Variants in GRM8 observed in about 807,000 individuals in gnomAD.
GRM8 encodes glutamate metabotropic receptor 8, also known as metabotropic glutamate receptor 8.
A neutral mutation model predicts 87.2 loss-of-function variants in GRM8; 47 were observed. The ratio of observed to expected loss-of-function variants is 0.54; its 90% confidence interval spans 0.43 to 0.69. The LOEUF (loss-of-function observed/expected upper bound fraction) is 0.69. Ranked by LOEUF, GRM8 falls within the 30% of genes least tolerant of loss-of-function variation. The pLI, the probability that GRM8 is intolerant of heterozygous loss-of-function variation, is 0.00. For missense variants in GRM8, 1,019 were observed against 1,139.2 expected (o/e 0.89, Z 1.52); for synonymous variants, 396 against 404.5 (o/e 0.98, Z 0.25).
intron 9 of GRM8, among the ~76,000 whole-genome samples, chr7:126,519,287 T>G (rs986168627): frequency 4.6e-5 from 7 of 152,008 alleles, no homozygotes; most frequent in Non-Finnish European, 8.8e-5. Context: ...AGCACATATG[T>G]GTTTAGAACT....
At chr7:126,813,138 G>A (rs1399346716) in intron 6 of GRM8, among the ~76,000 whole-genome samples, 1 of 151,864 alleles carries the variant, frequency 6.6e-6, no homozygotes, top group Non-Finnish European at 1.5e-5. Context: ...TATAACCTAC[G>A]CATGTACCCC....
At chr7:126,969,511 T>C (rs1217640000) in intron 3 of GRM8, among the ~76,000 whole-genome samples, 1 of 152,184 alleles carries the variant, frequency 6.6e-6, no homozygotes, top group Admixed American at 6.5e-5. Context: ...TAACTCTTCA[T>C]CCATTCAAGT....
At chr7:126,953,380 C>T (rs188390444) in intron 3 of GRM8, among the ~76,000 whole-genome samples, 118 of 152,242 alleles carry the variant, frequency 7.8e-4, no homozygotes, top group Admixed American at 2.0e-3. Flanking sequence ...AGAAAGACAT[C>T]TTTCCCTCTT....
chr7:127,077,218 G>A (rs568622309), intron 3 of GRM8, among the ~76,000 whole-genome samples: 18 of 152,284 alleles, frequency 1.2e-4, no homozygotes, highest in African/African-American at 3.8e-4. Context: ...AGAGAGCCCA[G>A]GTATTCACTC....
At chr7:126,708,829 G>A (rs1472496228) in intron 7 of GRM8, among the ~76,000 whole-genome samples, 3 of 152,064 alleles carry the variant, frequency 2.0e-5, no homozygotes, top group Non-Finnish European at 4.4e-5. Flanking sequence ...AAGGATGTGG[G>A]GAGCAGTTGG....
intron 7 of GRM8, among the ~76,000 whole-genome samples, chr7:126,735,942 C>T (rs999955396): frequency 7.2e-5 from 11 of 152,026 alleles, no homozygotes; most frequent in Non-Finnish European, 1.5e-4. Context: ...TGAAGCCTTG[C>T]TAATGCTAAC....
intron 6 of GRM8, among the ~76,000 whole-genome samples, chr7:126,806,958 G>A (rs912453489): frequency 1.3e-5 from 2 of 152,208 alleles, no homozygotes; most frequent in Non-Finnish European, 2.9e-5. Flanking sequence ...ACAGCTCAGC[G>A]GTGGGCTGAA....
In GRM8 at chr7:126,889,714, C is replaced by T. The variant is rs191679796; in HGVS notation, c.1156+12828G>A. On this transcript the variant is annotated intron_variant, in intron 6 of 10. Coordinates refer to ENST00000339582, the MANE Select transcript of GRM8 (RefSeq NM_000845.3). ...CATTTTATATTCACTGACTGAGAAG[C>T]TGGTACTTAGGAAACCTGTGAGAAA... 2.1e-4 allele frequency among the ~76,000 whole-genome samples: 32 copies of T among 152,164 alleles called. No individual in the cohort carries two copies. The East Asian group carries it at 6.2e-3, about 29-fold the overall frequency.
chr7:126,587,824 A>T (rs77419963), intron 8 of GRM8, among the ~76,000 whole-genome samples: 2 of 151,820 alleles, frequency 1.3e-5, no homozygotes, highest in Non-Finnish European at 2.9e-5. Context: ...AAAGTATCAT[A>T]AAAAAAAGAA....
chr7:126,571,304 A>C (rs1220758866), intron 8 of GRM8, among the ~76,000 whole-genome samples: 3 of 152,182 alleles, frequency 2.0e-5, no homozygotes, highest in Non-Finnish European at 4.4e-5. Flanking sequence ...ATTACAATCT[A>C]TTTTCCCAAA....
intron 3 of GRM8, among the ~76,000 whole-genome samples, chr7:127,060,340 A>G: frequency 6.6e-6 from 1 of 152,102 alleles, no homozygotes; most frequent in Non-Finnish European, 1.5e-5. Flanking sequence ...ATTCATTAAC[A>G]TATATATTTT....
chr7:127,089,683 A>G (rs1317186010), intron 3 of GRM8, among the ~76,000 whole-genome samples: 5 of 152,216 alleles, frequency 3.3e-5, no homozygotes, highest in Admixed American at 1.3e-4. Flanking sequence ...TCATAGGCTT[A>G]CATTTAAGTC....
At chr7:126,800,159 T>C (rs1411460235) in intron 6 of GRM8, among the ~76,000 whole-genome samples, 1 of 152,134 alleles carries the variant, frequency 6.6e-6, no homozygotes, top group Non-Finnish European at 1.5e-5. Context: ...TGAATGCTGA[T>C]GAAAATATTC....
At chr7:126,786,130 G>A (rs1295132982) in intron 6 of GRM8, among the ~76,000 whole-genome samples, 1 of 152,148 alleles carries the variant, frequency 6.6e-6, no homozygotes, top group Non-Finnish European at 1.5e-5. Context: ...TTGTGAAAGA[G>A]AGAATAATGA....
intron 3 of GRM8, among the ~76,000 whole-genome samples, chr7:127,064,043 A>T (rs1820869653): frequency 6.6e-6 from 1 of 152,188 alleles, no homozygotes; most frequent in East Asian, 1.9e-4. Flanking sequence ...TTTATGTCCA[A>T]TTATGTGGTT....
chr7:126,889,596 G>A (rs1800811052), intron 6 of GRM8, among the ~76,000 whole-genome samples: 2 of 152,116 alleles, frequency 1.3e-5, no homozygotes, highest in Admixed American at 6.6e-5. Flanking sequence ...TCTAATATGT[G>A]TGTTTTATAA....
At chr7:127,212,027 T>C (rs1259565998) in intron 2 of GRM8, among the ~76,000 whole-genome samples, 2 of 152,164 alleles carry the variant, frequency 1.3e-5, no homozygotes, top group East Asian at 3.8e-4. Flanking sequence ...TAAGAATTGT[T>C]CCATTATAAA....
chr7:127,020,287 T>C (rs2132208714), intron 3 of GRM8, among the ~76,000 whole-genome samples: 1 of 152,250 alleles, frequency 6.6e-6, no homozygotes, highest in East Asian at 1.9e-4. Context: ...GTCATATGCC[T>C]GGGCACAGCC....
intron 2 of GRM8, among the ~76,000 whole-genome samples, chr7:127,175,353 A>C (rs1794041218): frequency 6.6e-6 from 1 of 152,296 alleles, no homozygotes; most frequent in African/African-American, 2.4e-5. Context: ...AGTGGAAAAA[A>C]CAGAAGAATA....
Sources: gnomAD v4.1 joint callset for allele counts (sites outside exome capture counted in the v4.1 genomes callset) on GRCh38, gnomAD v4.1.1 for gene constraint, MANE v1.5 for transcripts, NCBI Gene and HGNC (gene_info 2026-07-23, HGNC 2026-07-21) for gene names.